Variants in EPB41L4A observed in about 807,000 individuals in gnomAD.
EPB41L4A encodes the protein band 4.1-like protein 4A.
In EPB41L4A, 100 loss-of-function variants were observed where a neutral mutation model predicts 108.6. The observed-to-expected ratio is 0.92, with a 90% confidence interval of 0.78 to 1.09. The LOEUF is 1.09. EPB41L4A is among the 50% of genes least tolerant of loss of function. The pLI is 0.00. For synonymous variants in EPB41L4A, 319 were observed against 289.0 expected (o/e 1.10, Z -1.05); for missense variants, 1,030 against 842.7 (o/e 1.22, Z -2.75).
intron 2 of EPB41L4A, among the ~76,000 whole-genome samples, chr5:112,283,119 A>G (rs1255129745): frequency 7.2e-5 from 11 of 152,198 alleles, no homozygotes; most frequent in African/African-American, 2.7e-4. Flanking sequence ...AAAAAGTAAA[A>G]TAACAGTTTC....
intron 2 of EPB41L4A, among the ~76,000 whole-genome samples, chr5:112,298,638 G>A (rs1266375160): frequency 1.3e-5 from 2 of 151,908 alleles, no homozygotes; most frequent in Non-Finnish European, 2.9e-5. Flanking sequence ...GTATTGGTCT[G>A]TAGTTTTCTT....
At chr5:112,270,330 A>G (rs1580575836) in intron 4 of EPB41L4A, among the ~76,000 whole-genome samples, 1 of 152,290 alleles carries the variant, frequency 6.6e-6, no homozygotes, top group South Asian at 2.1e-4. Context: ...GAGAGTACCA[A>G]CCTACACAGA....
rs1404676973 is a variant in EPB41L4A, at chr5:112,307,437, A to T, written c.153T>A (p.Leu51=). 3.1e-6 allele frequency: 5 copies of T among 1,613,294 alleles called. No homozygotes were observed. The highest frequency in any genetic ancestry group is 1.7e-4 in the Middle Eastern group (1 of 6,060). Reference sequence around the variant, plus strand: ...GTAGCCCAAAATAATCTATCTCCACAAGGTTTACGTGATGGAATACGTGGT... The same window carrying T: ...GTAGCCCAAAATAATCTATCTCCACTAGGTTTACGTGATGGAATACGTGGT... ...VLDHVFHHVN[L]VEIDYFGLRY... The change falls in exon 2 of 23, where the codon CTT becomes CTA. Residue 51 remains leucine (L), a synonymous_variant. Transcript: ENST00000261486.
At chr5:112,379,630 G>A (rs1381981077) in intron 1 of EPB41L4A, among the ~76,000 whole-genome samples, 1 of 152,178 alleles carries the variant, frequency 6.6e-6, no homozygotes, top group Non-Finnish European at 1.5e-5. Context: ...GCAAAAGGAA[G>A]ATGAGATCTC....
intron 1 of EPB41L4A, among the ~76,000 whole-genome samples, chr5:112,321,166 CACG>C (rs1755749336): frequency 6.6e-6 from 1 of 152,078 alleles, no homozygotes; most frequent in Non-Finnish European, 1.5e-5. Context: ...GAGGAGAGAA[CACG>C]ACAAGAGTCA....
chr5:112,370,785 C>A (rs1759446245), intron 1 of EPB41L4A, among the ~76,000 whole-genome samples: 1 of 152,120 alleles, frequency 6.6e-6, no homozygotes, highest in African/African-American at 2.4e-5. Flanking sequence ...CATGGTGGCA[C>A]ATGCCTGTAG....
chr5:112,148,836 G>A (rs79952630), intron 12 of EPB41L4A, among the ~76,000 whole-genome samples: 6,888 of 152,160 alleles, frequency 0.045, 190 homozygotes, highest in Middle Eastern at 0.068. Flanking sequence ...ATGTGTGTTG[G>A]ATAAGTCCTC....
chr5:112,234,777 T>C (rs371757122), intron 11 of EPB41L4A, 22 bp from the exon 12 acceptor site: 7 of 1,603,974 alleles, frequency 4.4e-6, no homozygotes, highest in Non-Finnish European at 6.0e-6. Context: ...AACATTTTGA[T>C]TAGCAAAGGT....
At chr5:112,397,111 C>A (rs1248445659) in intron 1 of EPB41L4A, among the ~76,000 whole-genome samples, 2 of 152,068 alleles carry the variant, frequency 1.3e-5, no homozygotes, top group African/African-American at 4.8e-5. Context: ...TTTGGAGTCC[C>A]CAGTGTCTGT....
chr5:112,310,819 A>G (rs1172350441), intron 1 of EPB41L4A, among the ~76,000 whole-genome samples: 1 of 152,136 alleles, frequency 6.6e-6, no homozygotes, highest in Non-Finnish European at 1.5e-5. Flanking sequence ...AGGCTCCCAG[A>G]ATAACTGACA....
chr5:112,233,988 C>CCAGCCAAGATTTT (rs1181945808), intron 12 of EPB41L4A, among the ~76,000 whole-genome samples: 2 of 151,486 alleles, frequency 1.3e-5, no homozygotes, highest in Admixed American at 6.6e-5. Flanking sequence ...GCCATTGTGC[C>CCAGCCAAGATTTT]CAGCCAAGAT....
chr5:112,346,256 C>T (rs1028078517), intron 1 of EPB41L4A, among the ~76,000 whole-genome samples: 10 of 76,744 alleles, frequency 1.3e-4, no homozygotes, highest in South Asian at 5.3e-4. Context: ...GAAGGAGTCT[C>T]GCTCTGTCGT....
chr5:112,158,627 T>C (rs1476949032), downstream of EPB41L4A, among the ~76,000 whole-genome samples: 1 of 152,226 alleles, frequency 6.6e-6, no homozygotes, highest in Non-Finnish European at 1.5e-5. Flanking sequence ...TTAGCATGGC[T>C]GGGGAGGCCT....
At chr5:112,400,121 C>G (rs1162287401) in intron 1 of EPB41L4A, among the ~76,000 whole-genome samples, 1 of 152,136 alleles carries the variant, frequency 6.6e-6, no homozygotes, top group Non-Finnish European at 1.5e-5. Flanking sequence ...CCTCAGGAAA[C>G]TTATGATCAT....
chr5:112,224,524 C>A (rs886175707), intron 12 of EPB41L4A, among the ~76,000 whole-genome samples: 5 of 151,984 alleles, frequency 3.3e-5, no homozygotes, highest in African/African-American at 1.2e-4. Flanking sequence ...GCTTACATAC[C>A]CAATTATTGT....
chr5:112,217,629 T>C (rs979199333), intron 12 of EPB41L4A, among the ~76,000 whole-genome samples: 1 of 152,124 alleles, frequency 6.6e-6, no homozygotes, highest in Admixed American at 6.5e-5. Flanking sequence ...ACTTGAGAGT[T>C]TGAGGTTACA....
intron 12 of EPB41L4A, chr5:112,228,425 C>A (rs576092819): frequency 6.6e-6 from 1 of 152,276 alleles, no homozygotes; most frequent in Non-Finnish European, 1.5e-5. Context: ...CCCTTATGCA[C>A]TCTGTTTGCA....
At chr5:112,206,146 G>A (rs901474372) in intron 13 of EPB41L4A, 2 of 152,226 alleles carry the variant, frequency 1.3e-5, no homozygotes, top group Non-Finnish European at 2.9e-5. Flanking sequence ...TGGAGGAAGG[G>A]ACTAATCAGA....
At chr5:112,394,286 G>T (rs1439906137) in intron 1 of EPB41L4A, among the ~76,000 whole-genome samples, 2 of 152,200 alleles carry the variant, frequency 1.3e-5, no homozygotes, top group African/African-American at 4.8e-5. Context: ...ATCAGGAAAA[G>T]AGGAAGTCAA....
Sources: gnomAD v4.1 joint callset for allele counts (sites outside exome capture counted in the v4.1 genomes callset) on GRCh38, gnomAD v4.1.1 for gene constraint, MANE v1.5 for transcripts, NCBI Gene and HGNC (gene_info 2026-07-23, HGNC 2026-07-21) for gene names.